Variants in ST8SIA6 observed in about 807,000 individuals in gnomAD.
ST8SIA6 encodes ST8 alpha-N-acetyl-neuraminide alpha-2,8-sialyltransferase 6.
In ST8SIA6, 39 loss-of-function variants were observed where a neutral mutation model predicts 33.6. That is an observed-to-expected ratio of 1.16 (90% confidence interval 0.90 to 1.52). The LOEUF (loss-of-function observed/expected upper bound fraction) is 1.52, where lower values mean the gene tolerates loss of function less well. Ranked by LOEUF, ST8SIA6 falls within the 40% of genes most tolerant of loss-of-function variation. The pLI is 0.00. For synonymous variants in ST8SIA6, 172 were observed against 167.2 expected (o/e 1.03, Z -0.22); for missense variants, 441 against 443.8 (o/e 0.99, Z 0.06).
At chr10:17,414,893 C>T (rs1327805590) in intron 2 of ST8SIA6, among the ~76,000 whole-genome samples, 2 of 152,102 alleles carry the variant, frequency 1.3e-5, no homozygotes, top group Non-Finnish European at 2.9e-5. Flanking sequence ...TTTCATCTTA[C>T]CATATGTTAC....
chr10:17,330,470 C>A (rs1353293515), intron 5 of ST8SIA6, among the ~76,000 whole-genome samples: 1 of 152,146 alleles, frequency 6.6e-6, no homozygotes, highest in African/African-American at 2.4e-5. Flanking sequence ...AGAAAATTTA[C>A]AGTATTTTTT....
intron 2 of ST8SIA6, among the ~76,000 whole-genome samples, chr10:17,442,403 T>C (rs1852531324): frequency 6.6e-6 from 1 of 152,208 alleles, no homozygotes; most frequent in South Asian, 2.1e-4. Context: ...GAATGTGCCA[T>C]TTTTCTTCAA....
At chr10:17,410,674 C>A (rs757856324) in intron 2 of ST8SIA6, 1 of 152,086 alleles carries the variant, frequency 6.6e-6, no homozygotes, top group African/African-American at 2.4e-5. Flanking sequence ...GATGGTAACT[C>A]ATCCAGGGAA....
chr10:17,321,317 A>G lies in ST8SIA6; in HGVS notation c.758T>C (p.Leu253Pro). The G allele has an allele frequency of 1.2e-6, 2 of 1,603,944 alleles. No individual in the cohort carries two copies. Among genetic ancestry groups the G allele is most frequent in the Non-Finnish European group, 1.7e-6 (2 of 1,177,432 alleles). Residue 253 changes from leucine to proline, a missense_variant, in exon 8 of 8, where the codon CTA (leucine) becomes CCA (proline). Coordinates refer to ENST00000377602, the MANE Select transcript of ST8SIA6 (RefSeq NM_001004470.3). ...ATAGGTTGCAATGTCCTCCAGAAAT[A>G]GGGCTTTTTTTTCCTTTAAGTTCCC... Reference protein sequence around the residue: ...KYGNLKEKKALFLEDIATYGD... With the variant: ...KYGNLKEKKAPFLEDIATYGD...
intron 4 of ST8SIA6, among the ~76,000 whole-genome samples, chr10:17,338,365 G>C (rs1306815249): frequency 6.6e-6 from 1 of 152,172 alleles, no homozygotes; most frequent in Admixed American, 6.5e-5. Flanking sequence ...GAAAATTGGG[G>C]TTGAGAGAGG....
chr10:17,341,031 G>T (rs1265532520), intron 4 of ST8SIA6, among the ~76,000 whole-genome samples: 4 of 152,140 alleles, frequency 2.6e-5, no homozygotes, highest in Non-Finnish European at 5.9e-5. Flanking sequence ...AGAATACTTT[G>T]GTATTACAGG....
chr10:17,331,878 C>T (rs1412670595), intron 4 of ST8SIA6, among the ~76,000 whole-genome samples: 1 of 152,122 alleles, frequency 6.6e-6, no homozygotes, highest in Non-Finnish European at 1.5e-5. Context: ...GTTTCCTGCA[C>T]CTATTAACCC....
intron 4 of ST8SIA6, among the ~76,000 whole-genome samples, chr10:17,348,037 A>G (rs915623279): frequency 2.0e-5 from 3 of 151,884 alleles, no homozygotes; most frequent in Non-Finnish European, 2.9e-5. Flanking sequence ...CAAAATCAAC[A>G]GTTAAGATGA....
intron 7 of ST8SIA6, among the ~76,000 whole-genome samples, chr10:17,321,860 C>T (rs1313344849): frequency 6.6e-6 from 1 of 152,070 alleles, no homozygotes; most frequent in Non-Finnish European, 1.5e-5. Flanking sequence ...CTTTGGGAGG[C>T]TGAGGCGAGA....
In ST8SIA6 at chr10:17,454,211, CA is replaced by C; in HGVS notation, c.44del (p.Leu15ArgfsTer37). On this transcript the variant is annotated frameshift_variant, in exon 1 of 8. Coordinates refer to ENST00000377602, the MANE Select transcript of ST8SIA6 (RefSeq NM_001004470.3). LOFTEE classifies it high-confidence loss of function. The surrounding 1 kb of genome is among the most constrained non-coding windows in gnomAD (Gnocchi z 4.1). ...AGAGCAGGCGCAGCAGCAGCAGCAGCAGCAGGCTGGCGAGCAGGGCGAGCAG... is the reference window on the plus strand; with the variant it reads ...AGAGCAGGCGCAGCAGCAGCAGCAGCGCAGGCTGGCGAGCAGGGCGAGCAG... Reference protein sequence around the residue: ...GALLALLASLLLLLLLRLLWC... With the variant: ...GALLALLASLXLLLLLRLLWC... 1 of 276,806 alleles carries C rather than the reference CA, an allele frequency of 3.6e-6. No homozygotes were observed. The highest frequency in any genetic ancestry group is 5.2e-5 in the Admixed American group (1 of 19,120). The allele number at this position is 276,806 out of a possible 1,614,324, so 17.1% of individuals were successfully genotyped here.
rs182428557 is a variant in ST8SIA6, at chr10:17,335,207, C to T, written c.378-3655G>A. On this transcript the variant is annotated intron_variant, in intron 4 of 7. Transcript: ENST00000377602. The stretch of plus-strand genomic sequence containing the variant: ...CTCTTTAAACCTCAACTTATTTCTC[C>T]GTATTACTTAAAAATCTGTATCCAA... 5.1e-3 allele frequency among the ~76,000 whole-genome samples: 783 copies of T among 152,232 alleles called. 3 individuals carry two copies. The highest frequency in any genetic ancestry group is 0.013 in the Admixed American group (195 of 15,294).
chr10:17,451,585 T>C (rs113735893), intron 2 of ST8SIA6, among the ~76,000 whole-genome samples: 1 of 152,168 alleles, frequency 6.6e-6, no homozygotes, highest in African/African-American at 2.4e-5. Flanking sequence ...AATTTTTAAA[T>C]TAAAAATGTC....
rs1847930004 is a variant in ST8SIA6 at position 17,321,137 on chromosome 10, G to A, written c.938C>T (p.Thr313Ile). 6.2e-7 allele frequency: 1 copy of A among 1,614,088 alleles called. No individual in the cohort carries two copies. Among genetic ancestry groups the A allele is most frequent in the Non-Finnish European group, 8.5e-7 (1 of 1,179,994 alleles). The change falls in exon 8 of 8, where the codon ACT (threonine) becomes ATT (isoleucine). Residue 313 changes from threonine (T) to isoleucine (I), a missense_variant. Thr to Ile is a moderately conservative substitution (Grantham distance 89, BLOSUM62 -1). Transcript: ENST00000377602. ...CAAGCGGTATGCAGTCACACCTTTA[G>A]TTCTCCAGAAAAGGGCCAGATCTTT... is the stretch of plus-strand genomic sequence containing the variant. ...YLKDLALFWR[T>I]KGVTAYRLST...
chr10:17,371,382 C>T (rs1285690050), intron 3 of ST8SIA6, among the ~76,000 whole-genome samples: 1 of 152,010 alleles, frequency 6.6e-6, no homozygotes, highest in East Asian at 1.9e-4. Flanking sequence ...AAACATGAGA[C>T]TAAATGAGGT....
intron 2 of ST8SIA6, among the ~76,000 whole-genome samples, chr10:17,417,458 G>A (rs942875108): frequency 4.6e-5 from 7 of 152,076 alleles, no homozygotes; most frequent in African/African-American, 1.2e-4. Context: ...TAACTCGAAT[G>A]TCAACCCCTC....
chr10:17,323,084 G>C lies in ST8SIA6; in HGVS notation c.709C>G (p.Pro237Ala), dbSNP rs1195434365. ...GSKTNLVTINPSIITLKYGNL... is the reference protein window; with the variant it reads ...GSKTNLVTINASIITLKYGNL... ...ACTTACTTCAGAGTTATGATGCTTG[G>C]ATTTATAGTCACAAGATTTGTTTTA... is the stretch of plus-strand genomic sequence containing the variant. The change falls in exon 7 of 8, where the codon CCA (proline) becomes GCA (alanine). Residue 237 changes from proline to alanine, a missense_variant. Pro to Ala is a conservative substitution (Grantham distance 27). Transcript: ENST00000377602. The C allele has an allele frequency of 2.5e-6, 4 of 1,613,350 alleles. No homozygotes were observed. Among genetic ancestry groups the C allele is most frequent in the Non-Finnish European group, 3.4e-6 (4 of 1,179,550 alleles).
chr10:17,345,896 C>G (rs1848816833), intron 4 of ST8SIA6, among the ~76,000 whole-genome samples: 1 of 152,152 alleles, frequency 6.6e-6, no homozygotes, highest in Non-Finnish European at 1.5e-5. Flanking sequence ...CTTTCTCTCC[C>G]TACATGCACA....
At chr10:17,342,367 C>T (rs990141709) in intron 4 of ST8SIA6, among the ~76,000 whole-genome samples, 1 of 152,150 alleles carries the variant, frequency 6.6e-6, no homozygotes, top group African/African-American at 2.4e-5. Context: ...CTTAACCAGT[C>T]TGGGAGTTAG....
chr10:17,398,196 G>A (rs45466899), intron 2 of ST8SIA6, among the ~76,000 whole-genome samples: 14,309 of 151,960 alleles, frequency 0.094, 792 homozygotes, highest in South Asian at 0.14. Flanking sequence ...GCATGGTGGC[G>A]CATGCCTGTA....
Sources: allele counts gnomAD v4.1 joint callset (sites outside exome capture counted in the v4.1 genomes callset), GRCh38; gene constraint gnomAD v4.1.1; non-coding constraint Gnocchi (gnomAD v3.1); transcripts MANE v1.5; gene names NCBI Gene and HGNC (gene_info 2026-07-23, HGNC 2026-07-21).